Variants in PACSIN2 observed in about 807,000 individuals in gnomAD.
PACSIN2 encodes the protein protein kinase C and casein kinase substrate in neurons 2.
Under a neutral mutation model 63.8 loss-of-function variants are expected in PACSIN2, and 25 were observed. The observed-to-expected ratio is 0.39, with a 90% CI of 0.29 to 0.55. The LOEUF (loss-of-function observed/expected upper bound fraction) is 0.55, where lower values mean the gene tolerates loss of function less well. PACSIN2 is among the 20% of genes least tolerant of loss of function. PACSIN2 has a pLI of 0.62. For missense variants in PACSIN2, 518 were observed against 646.9 expected (o/e 0.80, Z 2.16); for synonymous variants, 255 against 256.2 (o/e 1.00, Z 0.05).
intron 10 of PACSIN2, among the ~76,000 whole-genome samples, chr22:42,874,238 CAGG>C (rs914994340): frequency 6.6e-6 from 1 of 151,180 alleles, no homozygotes; most frequent in African/African-American, 2.4e-5. Context: ...TGCTTGAGCC[CAGG>C]AGATCAAGGC....
chr22:42,967,934 T>C (rs1920987994), intron 1 of PACSIN2, among the ~76,000 whole-genome samples: 1 of 152,194 alleles, frequency 6.6e-6, no homozygotes, highest in Non-Finnish European at 1.5e-5. Flanking sequence ...TTAGGTACTT[T>C]ACTGAGTGCA....
At chr22:42,951,442 C>G (rs1301093139) in intron 1 of PACSIN2, among the ~76,000 whole-genome samples, 1 of 152,182 alleles carries the variant, frequency 6.6e-6, no homozygotes, top group Non-Finnish European at 1.5e-5. Flanking sequence ...CTGATGCCTC[C>G]TCACTCAGCC....
intron 2 of PACSIN2, among the ~76,000 whole-genome samples, chr22:42,906,734 A>G (rs1270983713): frequency 6.6e-6 from 1 of 152,256 alleles, no homozygotes; most frequent in African/African-American, 2.4e-5. Flanking sequence ...ATCCCAGAAC[A>G]GCCAAATACC....
chr22:43,012,599 G>A (rs1924574401), intron 1 of PACSIN2, among the ~76,000 whole-genome samples: 1 of 151,868 alleles, frequency 6.6e-6, no homozygotes, highest in Non-Finnish European at 1.5e-5. Context: ...TCATGCCACA[G>A]CCTCCCAAGT....
intron 2 of PACSIN2, among the ~76,000 whole-genome samples, chr22:42,906,818 C>T (rs1396025660): frequency 6.6e-6 from 1 of 152,230 alleles, no homozygotes; most frequent in Non-Finnish European, 1.5e-5. Flanking sequence ...ACCATGTCTA[C>T]ATTTTGTGTG....
At chr22:42,886,988 C>T (rs1929536127) in intron 5 of PACSIN2, among the ~76,000 whole-genome samples, 1 of 152,220 alleles carries the variant, frequency 6.6e-6, no homozygotes, top group Admixed American at 6.5e-5. Context: ...CACGCCCCCG[C>T]CCAACATGGA....
At chr22:42,917,478 G>A (rs1931888497) in intron 1 of PACSIN2, among the ~76,000 whole-genome samples, 2 of 152,020 alleles carry the variant, frequency 1.3e-5, no homozygotes, top group South Asian at 4.1e-4. Context: ...AGCCAAGCAT[G>A]GTGGCACGCA....
intron 10 of PACSIN2, among the ~76,000 whole-genome samples, chr22:42,873,885 C>G (rs1240010849): frequency 6.6e-6 from 1 of 151,992 alleles, no homozygotes; most frequent in Non-Finnish European, 1.5e-5. Flanking sequence ...CCTCCACCTC[C>G]CAGGTTCAAG....
At chr22:42,873,798 C>CTT (rs11386127) in intron 10 of PACSIN2, among the ~76,000 whole-genome samples, 73 of 145,704 alleles carry the variant, frequency 5.0e-4, no homozygotes, top group Non-Finnish European at 6.6e-4. Context: ...ATTTTCTTTC[C>CTT]TTTTTTTTTT....
At chr22:42,945,319 C>T (rs1933368809) in intron 1 of PACSIN2, among the ~76,000 whole-genome samples, 1 of 152,078 alleles carries the variant, frequency 6.6e-6, no homozygotes, top group African/African-American at 2.4e-5. Flanking sequence ...TGCCTTCTCT[C>T]AACCTCCTCT....
intron 5 of PACSIN2, 41 bp from the exon 6 acceptor site, chr22:42,884,602 T>A: frequency 6.4e-7 from 1 of 1,574,472 alleles, no homozygotes; most frequent in Non-Finnish European, 8.7e-7. Flanking sequence ...TTCATTTCCA[T>A]TTAGCCCTTG....
chr22:42,981,813 G>A (rs1282648773), intron 1 of PACSIN2, among the ~76,000 whole-genome samples: 529 of 126,782 alleles, frequency 4.2e-3, no homozygotes, highest in African/African-American at 0.015. Context: ...CGCCCAGTCC[G>A]GGAGGGAGGT....
At position 42,958,238 on chromosome 22, in the gene PACSIN2, C is replaced by G. The variant is rs1274811458; in HGVS notation, c.-77-46081G>C. Among the ~76,000 whole-genome samples the G allele has an allele frequency of 2.0e-5, 3 of 152,042 alleles. No homozygotes were observed. In the East Asian group the frequency reaches 5.8e-4, roughly 29 times the overall value. On this transcript the variant is annotated intron_variant, in intron 1 of 10. Coordinates refer to ENST00000263246, the MANE Select transcript of PACSIN2 (RefSeq NM_001184970.3). ...TACCAACGAGACGAGTGACCTTGGACAAGTCGTCACCTCTGGATCCCAATT... is the reference window on the plus strand; with the variant it reads ...TACCAACGAGACGAGTGACCTTGGAGAAGTCGTCACCTCTGGATCCCAATT...
At chr22:42,885,704 G>A (rs1044092908) in intron 5 of PACSIN2, among the ~76,000 whole-genome samples, 9 of 152,136 alleles carry the variant, frequency 5.9e-5, no homozygotes, top group Admixed American at 2.0e-4. Context: ...CCCCAGCCTC[G>A]TGAGACCAGG....
At chr22:42,932,827 C>T (rs1276329749) in intron 1 of PACSIN2, among the ~76,000 whole-genome samples, 2 of 152,032 alleles carry the variant, frequency 1.3e-5, no homozygotes, top group Non-Finnish European at 2.9e-5. Context: ...AAGCACTTCC[C>T]ACCTGGAGCC....
intron 7 of PACSIN2, 126 bp from the exon 8 acceptor site, chr22:42,879,295 C>T: frequency 3.0e-6 from 3 of 996,260 alleles, no homozygotes; most frequent in South Asian, 1.8e-5. Context: ...GACTCAGGGC[C>T]CCAGCTCTCC....
At chr22:42,979,799 T>A (rs1921956952) in intron 1 of PACSIN2, among the ~76,000 whole-genome samples, 2 of 152,154 alleles carry the variant, frequency 1.3e-5, no homozygotes, top group African/African-American at 4.8e-5. Flanking sequence ...TATTAATGGA[T>A]TAACGGATCC....
At chr22:42,947,136 C>T (rs1933458578) in intron 1 of PACSIN2, 1 of 152,216 alleles carries the variant, frequency 6.6e-6, no homozygotes. Context: ...GAAAGATTCT[C>T]CTGGCATAAA....
intron 4 of PACSIN2, among the ~76,000 whole-genome samples, chr22:42,889,979 T>C (rs1175434468): frequency 2.6e-5 from 4 of 151,036 alleles, no homozygotes; most frequent in African/African-American, 4.9e-5. Context: ...GAAAGGCTAC[T>C]GCACACGCAG....
Sources: allele counts gnomAD v4.1 joint callset (sites outside exome capture counted in the v4.1 genomes callset), GRCh38; gene constraint gnomAD v4.1.1; transcripts MANE v1.5; gene names NCBI Gene and HGNC (gene_info 2026-07-23, HGNC 2026-07-21).